GIGYF2: variants seen among roughly 807,000 people sequenced by gnomAD.
GIGYF2 encodes the protein GRB10 interacting GYF protein 2.
Under a neutral mutation model 208.1 loss-of-function variants are expected in GIGYF2, and 25 were observed. That is an observed-to-expected ratio of 0.12 (90% CI 0.09 to 0.17). GIGYF2 has a LOEUF of 0.17. Ranked by LOEUF, GIGYF2 falls within the 10% of genes least tolerant of loss-of-function variation. The pLI is 1.00. For missense variants in GIGYF2, 1,302 were observed against 1,579.4 expected (o/e 0.82, Z 2.98); for synonymous variants, 534 against 543.8 (o/e 0.98, Z 0.25).
chr2:232,836,407 T>TATAA (rs1188767920), intron 22 of GIGYF2, among the ~76,000 whole-genome samples: 2 of 129,998 alleles, frequency 1.5e-5, no homozygotes, highest in Admixed American at 1.7e-4. Context: ...TAAATATATA[T>TATAA]ATAAATAAAT....
At chr2:232,726,894 G>T (rs946272826) in intron 2 of GIGYF2, among the ~76,000 whole-genome samples, 3 of 152,126 alleles carry the variant, frequency 2.0e-5, no homozygotes, top group East Asian at 3.8e-4. Flanking sequence ...ATGAATAAAA[G>T]GTTGTTTATT....
chr2:232,785,671 A>C (rs774643850), intron 8 of GIGYF2, among the ~76,000 whole-genome samples: 16 of 152,232 alleles, frequency 1.1e-4, no homozygotes, highest in Non-Finnish European at 2.1e-4. Context: ...GTCCACCACA[A>C]TAAGAAAGCA....
chr2:232,758,258 T>G (rs1410986864), intron 6 of GIGYF2, among the ~76,000 whole-genome samples: 1 of 152,192 alleles, frequency 6.6e-6, no homozygotes, highest in African/African-American at 2.4e-5. Context: ...TTAGGAAACT[T>G]TGATGTGGAA....
chr2:232,838,490 A>G (rs574691324), intron 22 of GIGYF2, among the ~76,000 whole-genome samples: 21 of 152,216 alleles, frequency 1.4e-4, no homozygotes, highest in African/African-American at 4.8e-4. Flanking sequence ...GGCTTGAAAG[A>G]TTGTTTCCTG....
intron 2 of GIGYF2, among the ~76,000 whole-genome samples, chr2:232,720,014 G>C (rs1358262429): frequency 6.6e-6 from 1 of 152,006 alleles, no homozygotes. Context: ...TTACATAGTT[G>C]TACATGTGCC....
intron 28 of GIGYF2, among the ~76,000 whole-genome samples, chr2:232,853,523 T>G (rs1690438637): frequency 6.6e-6 from 1 of 152,212 alleles, no homozygotes; most frequent in African/African-American, 2.4e-5. Context: ...TCTGCCCGCC[T>G]TGGCCTGCCA....
At position 232,803,001 on chromosome 2, in the gene GIGYF2, GCA is replaced by G. The variant is rs1700447431; in HGVS notation, c.1640-3489_1640-3488del. Among the ~76,000 whole-genome samples, 3 of 151,776 alleles carry G rather than the reference GCA, an allele frequency of 2.0e-5. No homozygotes were observed. The South Asian group carries it at 6.2e-4, about 32-fold the overall frequency. Reference sequence around the variant, plus strand: ...TGCAACCGCTGTCTCCCGAGCTCAAGCAGTTCTCCTGCCTCAGCCTCCTGAGT... The same window carrying G: ...TGCAACCGCTGTCTCCCGAGCTCAAGGTTCTCCTGCCTCAGCCTCCTGAGT... On this transcript the variant is annotated intron_variant, in intron 14 of 28. Coordinates refer to ENST00000373563, the MANE Select transcript of GIGYF2 (RefSeq NM_001103146.3).
intron 14 of GIGYF2, among the ~76,000 whole-genome samples, chr2:232,800,199 T>C (rs981761582): frequency 6.6e-6 from 1 of 152,148 alleles, no homozygotes; most frequent in Non-Finnish European, 1.5e-5. Context: ...GAAATCATTA[T>C]TGTATCCAAT....
chr2:232,727,027 C>T lies in GIGYF2; in HGVS notation c.-43-8128C>T, dbSNP rs540464799. On this transcript the variant is annotated intron_variant, in intron 2 of 28. Coordinates refer to ENST00000373563, the MANE Select transcript of GIGYF2 (RefSeq NM_001103146.3). ...TTGCCCAGGCTGGAGTGCAGTGGCA[C>T]GATGTCAGCTCACTGTAGCCTCTGC... 1.6e-4 allele frequency among the ~76,000 whole-genome samples: 25 copies of T among 152,210 alleles called. 1 individual carries two copies. In the South Asian group the frequency reaches 4.4e-3, roughly 27 times the overall value.
intron 2 of GIGYF2, chr2:232,730,182 A>C: frequency 6.8e-7 from 1 of 1,480,978 alleles, no homozygotes; most frequent in Non-Finnish European, 9.4e-7. Context: ...AGGGCTTTTC[A>C]GGTCTCTGAA....
chr2:232,731,302 G>A (rs547512739), intron 2 of GIGYF2: 76 of 152,264 alleles, frequency 5.0e-4, no homozygotes, highest in African/African-American at 1.8e-3. Flanking sequence ...AATGAATTTA[G>A]TATTTTCACA....
intron 14 of GIGYF2, among the ~76,000 whole-genome samples, chr2:232,800,987 C>T (rs989674570): frequency 1.3e-5 from 2 of 152,116 alleles, no homozygotes; most frequent in African/African-American, 2.4e-5. Context: ...AAGCAATTCT[C>T]TTGCCTCAGC....
At chr2:232,761,592 G>A (rs937691103) in intron 8 of GIGYF2, 156 bp downstream of exon 8, 2 of 585,610 alleles carry the variant, frequency 3.4e-6, no homozygotes, top group Non-Finnish European at 6.3e-6. Context: ...GATGAATACA[G>A]CCATTAGGAT....
chr2:232,826,197 TA>T (rs780250923), intron 21 of GIGYF2, among the ~76,000 whole-genome samples: 1 of 152,230 alleles, frequency 6.6e-6, no homozygotes, highest in Non-Finnish European at 1.5e-5. Flanking sequence ...GCATGATTTA[TA>T]ATCCTTTGGG....
intron 23 of GIGYF2, among the ~76,000 whole-genome samples, chr2:232,840,611 A>G (rs1473441546): frequency 6.6e-6 from 1 of 152,216 alleles, no homozygotes; most frequent in Non-Finnish European, 1.5e-5. Flanking sequence ...AGCTGAGTCT[A>G]AAACAGGCAA....
chr2:232,811,027 TC>T lies in GIGYF2; in HGVS notation c.1899-216del. On this transcript the variant is annotated intron_variant, in intron 16 of 28. Coordinates refer to ENST00000373563, the MANE Select transcript of GIGYF2 (RefSeq NM_001103146.3). ...GAATTTTTTTGCTATCCTCTTTCAC[TC>T]GGAAACACGCCATCTATGAGTTCAG... 3 of 503,028 alleles carry T rather than the reference TC, an allele frequency of 6.0e-6. No individual in the cohort carries two copies. The South Asian group carries it at 6.6e-5, about 11-fold the overall frequency. The allele number at this position is 503,028 out of a possible 1,614,324, so 31.2% of individuals were successfully genotyped here.
chr2:232,754,933 TCAAA>T (rs1312514937), intron 5 of GIGYF2, among the ~76,000 whole-genome samples: 1 of 151,950 alleles, frequency 6.6e-6, no homozygotes, highest in Non-Finnish European at 1.5e-5. Context: ...CTAAAACTTA[TCAAA>T]CAAATTGTTG....
chr2:232,833,053 TGCAGCAGCA>T lies in GIGYF2; in HGVS notation c.2736_2744del (p.Gln915_Gln917del). ...CAGCAGCAAGAGGCTCTCCGGAGGT[TGCAGCAGCA>T]GCAGCAGCAACAACAGCTGGCGCAG... On this transcript the variant is annotated inframe_deletion, in exon 22 of 29. Transcript: ENST00000373563. The T allele has an allele frequency of 3.2e-6, 5 of 1,554,222 alleles. No homozygotes were observed. The highest frequency in any genetic ancestry group is 4.4e-6 in the Non-Finnish European group (5 of 1,148,464).
intron 14 of GIGYF2, 46 bp downstream of exon 14, chr2:232,796,267 C>T (rs1299445015): frequency 6.8e-6 from 8 of 1,180,964 alleles, no homozygotes; most frequent in Non-Finnish European, 1.0e-5. Context: ...TGTGCCATTA[C>T]CTCCAGAATC....
Sources: allele counts gnomAD v4.1 joint callset (sites outside exome capture counted in the v4.1 genomes callset), GRCh38; gene constraint gnomAD v4.1.1; transcripts MANE v1.5; gene names NCBI Gene and HGNC (gene_info 2026-07-23, HGNC 2026-07-21).